WNT6: variants seen among roughly 807,000 people sequenced by gnomAD.
The protein encoded by WNT6 is protein Wnt-6.
WNT6 carries 27 observed loss-of-function variants against 33.1 expected under a neutral mutation model. That is an observed-to-expected ratio of 0.82 (90% CI 0.60 to 1.12). The LOEUF is 1.12. Ranked by LOEUF, WNT6 falls within the 50% of genes most tolerant of loss-of-function variation. The pLI is 0.00. For missense variants in WNT6, 494 were observed against 535.3 expected, an observed-to-expected ratio of 0.92 and a Z score of 0.76; for synonymous variants, 249 against 242.8, an observed-to-expected ratio of 1.03 and a Z score of -0.24.
chr2:218,861,728 C>T (rs943508340), intron 1 of WNT6, among the ~76,000 whole-genome samples: 2 of 152,110 alleles, frequency 1.3e-5, no homozygotes, highest in South Asian at 4.1e-4. Context: ...CCTTCCCCTC[C>T]CTCCCCCTCT....
Position 218,873,205 on chromosome 2 carries a change from C to T in WNT6, c.637-179C>T, listed in dbSNP as rs1944419009. On this transcript the variant is annotated intron_variant, in intron 3 of 3. Coordinates refer to ENST00000233948, the MANE Select transcript of WNT6 (RefSeq NM_006522.4). The surrounding 1 kb of genome is among the most constrained non-coding windows in gnomAD (Gnocchi z 6.1). ...CTCCATCCTCACCATTCCTCCTGCT[C>T]CTCCCCTCCGAGTTGTCCTTTCCTT... Among the ~76,000 whole-genome samples, 1 of 152,168 alleles carries T rather than the reference C, an allele frequency of 6.6e-6. No homozygotes were observed. Among genetic ancestry groups the T allele is most frequent in the African/African-American group, 2.4e-5 (1 of 41,440 alleles).
chr2:218,866,438 A>T (rs1165839555), intron 1 of WNT6, among the ~76,000 whole-genome samples: 1 of 152,164 alleles, frequency 6.6e-6, no homozygotes, highest in Non-Finnish European at 1.5e-5. Flanking sequence ...GGCTGAGAAG[A>T]AATAGCAGAG....
rs913102518 is a variant in WNT6, at chr2:218,873,653, C to T, written c.906C>T (p.Ser302=). 6.3e-6 allele frequency: 10 copies of T among 1,582,732 alleles called. No homozygotes were observed. The Admixed American group carries it at 6.8e-5, about 11-fold the overall frequency. The part of the protein sequence containing the change: ...DFCAPNRRTG[S]PGTRGRACNS... ...GCGCCCCCAACCGACGCACCGGCTC[C>T]CCCGGCACGCGCGGTCGCGCCTGCA... Residue 302 remains serine (S), a synonymous_variant, in exon 4 of 4, where the codon TCC becomes TCT. Coordinates refer to ENST00000233948, the MANE Select transcript of WNT6 (RefSeq NM_006522.4). This position sits in a 1 kb window ranked among gnomAD's most constrained non-coding sequence, Gnocchi z 6.1.
intron 1 of WNT6, among the ~76,000 whole-genome samples, chr2:218,869,348 G>A (rs541904104): frequency 6.6e-6 from 1 of 152,282 alleles, no homozygotes; most frequent in African/African-American, 2.4e-5. Context: ...TTAGTGTTGA[G>A]AGTTCTACCT....
At chr2:218,860,464 T>C (rs1944298201) in intron 1 of WNT6, among the ~76,000 whole-genome samples, 1 of 152,112 alleles carries the variant, frequency 6.6e-6, no homozygotes, top group African/African-American at 2.4e-5. Context: ...GGGCTGGATT[T>C]GGAGAAGACA....
chr2:218,860,094 G>T lies in WNT6; in HGVS notation c.57G>T (p.Pro19=). 6.6e-7 allele frequency: 1 copy of T among 1,525,570 alleles called. No individual in the cohort carries two copies. Among genetic ancestry groups the T allele is most frequent in the African/African-American group, 1.4e-5 (1 of 71,716 alleles). The allele number at this position is 1,525,570 out of a possible 1,614,324, so 94.5% of individuals were successfully genotyped here. A position where few individuals can be genotyped will look rare whatever the true frequency, so the allele number is the denominator to read the frequency against. The change falls in exon 1 of 4, where the codon CCG becomes CCT. Residue 19 remains proline, a synonymous_variant. Transcript: ENST00000233948. ...LGLLLLLLLC[P]AHVGGLWWAV... ...TGCTGCTGCTGCTGCTCCTGTGCCC[G>T]GCGCACGTCGGCGGACTGTGGTGGT...
chr2:218,860,382 A>G (rs1211570282), intron 1 of WNT6, among the ~76,000 whole-genome samples: 1 of 152,140 alleles, frequency 6.6e-6, no homozygotes, highest in Non-Finnish European at 1.5e-5. Flanking sequence ...GCGAGTGGGT[A>G]GGAAAGATCT....
At chr2:218,870,926 T>C in intron 1 of WNT6, 101 bp from the exon 2 acceptor site, 2 of 1,168,868 alleles carry the variant, frequency 1.7e-6, no homozygotes, top group Admixed American at 2.3e-5. Context: ...GGAGGGCATG[T>C]CACAGCTCCC....
chr2:218,871,081 G>A lies in WNT6; in HGVS notation c.135G>A (p.Arg45=), dbSNP rs1944395638. Residue 45 remains arginine (R), a synonymous_variant, in exon 2 of 4, where the codon CGG becomes CGA. Transcript: ENST00000233948. This position sits in a 1 kb window ranked among gnomAD's most constrained non-coding sequence, Gnocchi z 6.4. Reference sequence around the variant, plus strand: ...CTACCAGCATCTGCAGGAAGGCACGGCGGCTGGCCGGGCGGCAGGCCGAGT... The same window carrying A: ...CTACCAGCATCTGCAGGAAGGCACGACGGCTGGCCGGGCGGCAGGCCGAGT... ...MDPTSICRKA[R]RLAGRQAELC... 1.2e-6 allele frequency: 2 copies of A among 1,613,492 alleles called. No homozygotes were observed. The highest frequency in any genetic ancestry group is 8.5e-7 in the Non-Finnish European group (1 of 1,179,778).
rs1431883920 is a variant in WNT6 at position 218,873,347 on chromosome 2, A to G, written c.637-37A>G. On this transcript the variant is annotated intron_variant, in intron 3 of 3. Transcript: ENST00000233948. This position sits in a 1 kb window ranked among gnomAD's most constrained non-coding sequence, Gnocchi z 6.1. ...CGCTGGGCCCTTCCCTGCACCCCCTACCTGTCCACATGCGTCCGCCCCTCT... is the reference window on the plus strand; with the variant it reads ...CGCTGGGCCCTTCCCTGCACCCCCTGCCTGTCCACATGCGTCCGCCCCTCT... The G allele has an allele frequency of 7.9e-6, 12 of 1,518,742 alleles. No individual in the cohort carries two copies. The East Asian group carries it at 2.0e-4, about 25-fold the overall frequency. 94.1% of individuals were successfully genotyped at this position (1,518,742 alleles called of 1,614,324 possible). A position where few individuals can be genotyped will look rare whatever the true frequency, so the allele number is the denominator to read the frequency against.
At position 218,873,721 on chromosome 2, in the gene WNT6, G is replaced by A; in HGVS notation, c.974G>A (p.Cys325Tyr). Reference sequence around the variant, plus strand: ...CTCAGCGGCTGCGACCTGCTGTGCTGCGGCCGCGGGCACCGCCAGGAGAGC... The same window carrying A: ...CTCAGCGGCTGCGACCTGCTGTGCTACGGCCGCGGGCACCGCCAGGAGAGC... ...PDLSGCDLLC[C>Y]GRGHRQESVQ... Residue 325 changes from cysteine (C) to tyrosine (Y), a missense_variant, in exon 4 of 4, where the codon TGC becomes TAC. Coordinates refer to ENST00000233948, the MANE Select transcript of WNT6 (RefSeq NM_006522.4). This position sits in a 1 kb window ranked among gnomAD's most constrained non-coding sequence, Gnocchi z 6.1. 6.4e-7 allele frequency: 1 copy of A among 1,574,180 alleles called. No individual in the cohort carries two copies.
chr2:218,862,849 T>C (rs1228813929), intron 1 of WNT6, among the ~76,000 whole-genome samples: 2 of 151,282 alleles, frequency 1.3e-5, no homozygotes, highest in Non-Finnish European at 2.9e-5. Flanking sequence ...GGATTAGAGT[T>C]GCCCACCACC....
At position 218,867,126 on chromosome 2, in the gene WNT6, C is replaced by T. The variant is rs1281161958; in HGVS notation, c.81-3901C>T. 2.6e-5 allele frequency among the ~76,000 whole-genome samples: 4 copies of T among 152,114 alleles called. No homozygotes were observed. The highest frequency in any genetic ancestry group is 2.0e-4 in the Admixed American group (3 of 15,262). On this transcript the variant is annotated intron_variant, in intron 1 of 3. Transcript: ENST00000233948. The surrounding 1 kb of genome is among the most constrained non-coding windows in gnomAD (Gnocchi z 4.9). ...GAGTTAATCAACCTTGCTAGGGGTACGGGGCTGTGTGGAGGATGGTGTGGG... is the reference window on the plus strand; with the variant it reads ...GAGTTAATCAACCTTGCTAGGGGTATGGGGCTGTGTGGAGGATGGTGTGGG...
chr2:218,870,311 A>AC (rs1397424821), intron 1 of WNT6, among the ~76,000 whole-genome samples: 3 of 151,978 alleles, frequency 2.0e-5, no homozygotes, highest in Non-Finnish European at 2.9e-5. Flanking sequence ...TGCTTCAGAG[A>AC]CCTGGCCCCC....
intron 1 of WNT6, among the ~76,000 whole-genome samples, chr2:218,863,982 C>T (rs1044129479): frequency 3.3e-5 from 5 of 152,186 alleles, no homozygotes; most frequent in African/African-American, 9.7e-5. Context: ...TCATCTTGTC[C>T]AGCCTCATTG....
At chr2:218,860,446 A>G (rs1326039196) in intron 1 of WNT6, among the ~76,000 whole-genome samples, 1 of 152,166 alleles carries the variant, frequency 6.6e-6, no homozygotes, top group Non-Finnish European at 1.5e-5. Context: ...CCCTGGATTC[A>G]GGGTATGGGG....
At chr2:218,868,558 C>A (rs147631300) in intron 1 of WNT6, among the ~76,000 whole-genome samples, 1 of 151,976 alleles carries the variant, frequency 6.6e-6, no homozygotes, top group Non-Finnish European at 1.5e-5. Flanking sequence ...AGGGGCTGGA[C>A]GACTGCAGAG....
Position 218,873,428 on chromosome 2 carries a change from GT to G in WNT6, c.682del (p.Ser228ArgfsTer122). 1 of 1,537,908 alleles carries G rather than the reference GT, an allele frequency of 6.5e-7. No homozygotes were observed. ...GCACCGAGTGCAAATGCCACGGGCT[GT>G]CGGGATCATGCGCGCTGCGCACCTG... ...TRTECKCHGLSGSCALRTCWQ... is the reference protein window; with the variant it reads ...TRTECKCHGLXGSCALRTCWQ... On this transcript the variant is annotated frameshift_variant, in exon 4 of 4. Transcript: ENST00000233948. LOFTEE classifies it high-confidence loss of function. This position sits in a 1 kb window ranked among gnomAD's most constrained non-coding sequence, Gnocchi z 6.1.
rs1944290138 is a variant in WNT6 at position 218,859,907 on chromosome 2, G to A, written c.-131G>A. 3 of 655,944 alleles carry A rather than the reference G, an allele frequency of 4.6e-6. No individual in the cohort carries two copies. The highest frequency in any genetic ancestry group is 4.0e-6 in the Non-Finnish European group (2 of 503,142). The allele number at this position is 655,944 out of a possible 1,614,324, so 40.6% of individuals were successfully genotyped here. A position where few individuals can be genotyped will look rare whatever the true frequency, so the allele number is the denominator to read the frequency against. The stretch of plus-strand genomic sequence containing the variant: ...GCCCGGGATGGGCCCCCCCGCCGCC[G>A]CCGGATCCCTCGCCTCCCGGCCGCC... On this transcript the variant is annotated 5_prime_UTR_variant, in exon 1 of 4. Transcript: ENST00000233948.
Sources: gnomAD v4.1 joint callset for allele counts (sites outside exome capture counted in the v4.1 genomes callset) on GRCh38, gnomAD v4.1.1 for gene constraint, Gnocchi (gnomAD v3.1) non-coding constraint, MANE v1.5 for transcripts, NCBI Gene and HGNC (gene_info 2026-07-23, HGNC 2026-07-21) for gene names.